The following SPATC1L variants were observed in gnomAD, a reference collection of about 807,000 sequenced individuals.
The protein encoded by SPATC1L is spermatogenesis and centriole associated 1 like, also known as speriolin-like protein.
Under a neutral mutation model 21.2 loss-of-function variants are expected in SPATC1L, and 20 were observed. The ratio of observed to expected loss-of-function variants is 0.94; its 90% CI spans 0.66 to 1.37. The LOEUF is 1.37. Among genes scored for constraint, SPATC1L ranks in the 40% most tolerant of loss-of-function variants. The pLI is 0.00. For synonymous variants in SPATC1L, 290 were observed against 234.5 expected (o/e 1.24, Z -2.16); for missense variants, 499 against 478.7 (o/e 1.04, Z -0.40).
In SPATC1L at chr21:46,182,628, G is replaced by GC. The variant is rs766841416; in HGVS notation, c.188dup (p.Ser63ArgfsTer63). 58 of 1,504,526 alleles carry GC rather than the reference G, an allele frequency of 3.9e-5. No homozygotes were observed. Among genetic ancestry groups the GC allele is most frequent in the Non-Finnish European group, 5.0e-5 (56 of 1,126,930 alleles). 93.2% of individuals were successfully genotyped at this position (1,504,526 alleles called of 1,614,324 possible). ...CTGAGCTGGGCGGCGCCTCACCTCC[G>GC]CTCCCGGGGGAGCCGGCCTCAGGGT... is the stretch of plus-strand genomic sequence containing the variant. On this transcript the variant is annotated frameshift_variant, in exon 2 of 5. Coordinates refer to ENST00000291672, the MANE Select transcript of SPATC1L (RefSeq NM_001142854.2). LOFTEE classifies it high-confidence loss of function.
At chr21:46,178,187 G>A (rs896105464) in intron 2 of SPATC1L, among the ~76,000 whole-genome samples, 22 of 146,258 alleles carry the variant, frequency 1.5e-4, no homozygotes, top group Admixed American at 2.8e-4. Context: ...AGCCGAGATC[G>A]TGCCATTGCA....
rs1025645809 is a variant in SPATC1L at position 46,161,274 on chromosome 21, G to A, written c.*105C>T. Reference sequence around the variant, plus strand: ...CGGGGCCTTCTCTGGCCTCGCGCGCGGGGGACGCGGCCCTTTCCCCTCCGG... The same window carrying A: ...CGGGGCCTTCTCTGGCCTCGCGCGCAGGGGACGCGGCCCTTTCCCCTCCGG... On this transcript the variant is annotated 3_prime_UTR_variant, in exon 5 of 5. Coordinates refer to ENST00000291672, the MANE Select transcript of SPATC1L (RefSeq NM_001142854.2). The A allele has an allele frequency of 1.6e-5, 18 of 1,138,756 alleles. No individual in the cohort carries two copies. The highest frequency in any genetic ancestry group is 8.8e-5 in the East Asian group (3 of 34,162). 70.5% of individuals were successfully genotyped at this position (1,138,756 alleles called of 1,614,324 possible).
At chr21:46,162,602 T>TTTTTTTC (rs1555886657) in intron 3 of SPATC1L, among the ~76,000 whole-genome samples, 2 of 149,766 alleles carry the variant, frequency 1.3e-5, no homozygotes, top group East Asian at 1.9e-4. Flanking sequence ...TTTTTTTTTT[T>TTTTTTTC]CTTAGACAGA....
chr21:46,175,045 C>T (rs9974387), intron 2 of SPATC1L, among the ~76,000 whole-genome samples: 38,979 of 152,102 alleles, frequency 0.26, 5,897 homozygotes, highest in African/African-American at 0.4. Flanking sequence ...TTGAATAACC[C>T]GCCCCTGAAT....
At chr21:46,181,298 G>A (rs890369107) in intron 2 of SPATC1L, among the ~76,000 whole-genome samples, 1 of 152,176 alleles carries the variant, frequency 6.6e-6, no homozygotes, top group South Asian at 2.1e-4. Flanking sequence ...TGATGGAGAC[G>A]CAGAACCTGG....
intron 2 of SPATC1L, among the ~76,000 whole-genome samples, chr21:46,169,032 T>G (rs183973311): frequency 3.3e-4 from 51 of 152,404 alleles, no homozygotes; most frequent in Middle Eastern, 3.4e-3. Flanking sequence ...CTGAACTTTT[T>G]GCTGCTGCAT....
chr21:46,172,425 A>G (rs993147477), intron 2 of SPATC1L, among the ~76,000 whole-genome samples: 1 of 152,244 alleles, frequency 6.6e-6, no homozygotes, highest in African/African-American at 2.4e-5. Flanking sequence ...TAGGCTCACA[A>G]ACACCGAACA....
intron 2 of SPATC1L, among the ~76,000 whole-genome samples, chr21:46,177,653 T>A (rs2079642123): frequency 6.6e-6 from 1 of 152,196 alleles, no homozygotes; most frequent in East Asian, 1.9e-4. Flanking sequence ...ACACTGTTAG[T>A]GGGAGCATAA....
intron 3 of SPATC1L, 31 bp downstream of exon 3, chr21:46,168,276 GC>G (rs761528021): frequency 3.6e-5 from 54 of 1,490,878 alleles, no homozygotes; most frequent in South Asian, 1.2e-4. Flanking sequence ...TGCACTGGGG[GC>G]CCCCCCAGGT....
Position 46,161,312 on chromosome 21 carries a change from G to C in SPATC1L, c.*67C>G. The C allele has an allele frequency of 1.4e-6, 2 of 1,391,228 alleles. No individual in the cohort carries two copies. The highest frequency in any genetic ancestry group is 1.9e-6 in the Non-Finnish European group (2 of 1,060,776). The allele number at this position is 1,391,228 out of a possible 1,614,324, so 86.2% of individuals were successfully genotyped here. A position where few individuals can be genotyped will look rare whatever the true frequency, so the allele number is the denominator to read the frequency against. ...CTTTCCCCTCCGGGGGGACGCGCAG[G>C]AGGCACCGCGGCCCCGGGTTGGAAC... On this transcript the variant is annotated 3_prime_UTR_variant, in exon 5 of 5. Coordinates refer to ENST00000291672, the MANE Select transcript of SPATC1L (RefSeq NM_001142854.2).
chr21:46,161,481 G>A lies in SPATC1L; in HGVS notation c.921C>T (p.Val307=). Residue 307 remains valine (V), a synonymous_variant, in exon 5 of 5, where the codon GTC becomes GTT. Transcript: ENST00000291672. ...HSSPAALRKL[V]IDVVPPKFLG... Reference sequence around the variant, plus strand: ...GGAACTTGGGGGGCACCACGTCGATGACCAGCTTGCGCAGCGCGGCCGGGC... The same window carrying A: ...GGAACTTGGGGGGCACCACGTCGATAACCAGCTTGCGCAGCGCGGCCGGGC... 1 of 1,601,502 alleles carries A rather than the reference G, an allele frequency of 6.2e-7. No homozygotes were observed. Among genetic ancestry groups the A allele is most frequent in the Non-Finnish European group, 8.5e-7 (1 of 1,172,202 alleles).
At chr21:46,165,779 G>T (rs1426588121) in intron 3 of SPATC1L, among the ~76,000 whole-genome samples, 1 of 152,132 alleles carries the variant, frequency 6.6e-6, no homozygotes, top group Non-Finnish European at 1.5e-5. Flanking sequence ...CTTTGTTGGT[G>T]TGTTCCTCTG....
At chr21:46,182,093 A>C (rs896603932) in intron 2 of SPATC1L, among the ~76,000 whole-genome samples, 4 of 152,112 alleles carry the variant, frequency 2.6e-5, no homozygotes, top group African/African-American at 9.7e-5. Flanking sequence ...ACTTGTCCCT[A>C]CCTGCTCCCC....
chr21:46,176,814 G>A (rs1262751561), intron 2 of SPATC1L, among the ~76,000 whole-genome samples: 4 of 152,088 alleles, frequency 2.6e-5, no homozygotes, highest in South Asian at 2.1e-4. Flanking sequence ...AAAAGAGCCC[G>A]AATAGCCAAG....
chr21:46,181,895 C>G (rs145407294), intron 2 of SPATC1L, among the ~76,000 whole-genome samples: 2 of 152,234 alleles, frequency 1.3e-5, no homozygotes, highest in African/African-American at 2.4e-5. Context: ...CAGCCCCACC[C>G]CAAATCACAT....
intron 2 of SPATC1L, among the ~76,000 whole-genome samples, chr21:46,178,232 CAA>C (rs59110880): frequency 2.5e-5 from 1 of 39,452 alleles, no homozygotes; most frequent in Non-Finnish European, 4.8e-5. Context: ...AACTCCATCT[CAA>C]AAAAAAAAAA....
intron 2 of SPATC1L, among the ~76,000 whole-genome samples, chr21:46,181,394 C>T (rs2123656480): frequency 6.6e-6 from 1 of 152,308 alleles, no homozygotes; most frequent in South Asian, 2.1e-4. Context: ...CCTCCCAGCT[C>T]CCTGCGAGGA....
intron 3 of SPATC1L, among the ~76,000 whole-genome samples, chr21:46,164,141 G>A (rs2123619861): frequency 6.6e-6 from 1 of 152,184 alleles, no homozygotes; most frequent in Non-Finnish European, 1.5e-5. Context: ...CTGAATAGCT[G>A]GAACTACAGG....
rs1255274515 is a variant in SPATC1L at position 46,168,345 on chromosome 21, G to A, written c.507C>T (p.Pro169=). 6.3e-7 allele frequency: 1 copy of A among 1,599,206 alleles called. No homozygotes were observed. Among genetic ancestry groups the A allele is most frequent in the South Asian group, 1.1e-5 (1 of 90,404 alleles). ...AGCTCCTCCTGGTCCTGTCCCCGGT[G>A]GGCAGGCTGCTCTCCGAGAAACACA... The part of the protein sequence containing the change: ...KKVCFSESSL[P]TGDRTRRSYY... Residue 169 remains proline, a synonymous_variant, in exon 3 of 5, where the codon CCC becomes CCT. Coordinates refer to ENST00000291672, the MANE Select transcript of SPATC1L (RefSeq NM_001142854.2).
Sources: allele counts gnomAD v4.1 joint callset (sites outside exome capture counted in the v4.1 genomes callset), GRCh38; gene constraint gnomAD v4.1.1; transcripts MANE v1.5; gene names NCBI Gene and HGNC (gene_info 2026-07-23, HGNC 2026-07-21).